The following UGT1A7 variants were observed in gnomAD, a reference collection of about 807,000 sequenced individuals.
UGT1A7 encodes the protein UDP glucuronosyltransferase family 1 member A7.
UGT1A7 carries 33 observed loss-of-function variants against 45.6 expected under a neutral mutation model. That is an observed-to-expected ratio of 0.72 (90% CI 0.55 to 0.97). The LOEUF (loss-of-function observed/expected upper bound fraction) is 0.97. UGT1A7 is among the 50% of genes least tolerant of loss of function. The pLI, the probability that UGT1A7 is intolerant of heterozygous loss-of-function variation, is 0.00. For synonymous variants in UGT1A7, 274 were observed against 250.6 expected (o/e 1.09, Z -0.88); for missense variants, 684 against 666.2 (o/e 1.03, Z -0.29).
At position 233,769,882 on chromosome 2, in the gene UGT1A7, TC is replaced by T; in HGVS notation, c.1295+1445del. On this transcript the variant is annotated intron_variant, in intron 4 of 4. Transcript: ENST00000373426. This position sits in a 1 kb window ranked among gnomAD's most constrained non-coding sequence, Gnocchi z 4.4. The stretch of plus-strand genomic sequence containing the variant: ...CAAAAAAAAAAAAAAAAATGAAAAG[TC>T]CACATAACCTGAGCATCATGTGCCC... 1 of 408,610 alleles carries T rather than the reference TC, an allele frequency of 2.4e-6. No homozygotes were observed. Among genetic ancestry groups the T allele is most frequent in the Non-Finnish European group, 4.3e-6 (1 of 234,370 alleles). 25.3% of individuals were successfully genotyped at this position (408,610 alleles called of 1,614,324 possible).
intron 1 of UGT1A7, chr2:233,719,161 T>A (rs2076731921): frequency 6.2e-7 from 1 of 1,614,132 alleles, no homozygotes; most frequent in Non-Finnish European, 8.5e-7. Context: ...TCTAGAAGTA[T>A]GGCAATTATG....
intron 1 of UGT1A7, chr2:233,743,624 T>A (rs1166046864): frequency 3.7e-6 from 5 of 1,367,280 alleles, no homozygotes; most frequent in Admixed American, 3.8e-5. Flanking sequence ...CCTGAAGACG[T>A]CGGCTGGGTC....
Position 233,682,295 on chromosome 2 carries a change from T to C in UGT1A7, c.358T>C (p.Phe120Leu). The C allele has an allele frequency of 6.2e-7, 1 of 1,614,178 alleles. No individual in the cohort carries two copies. Among genetic ancestry groups the C allele is most frequent in the Non-Finnish European group, 8.5e-7 (1 of 1,180,016 alleles). ...TTCATCCAATGGTATTTTTGACTTATTTTTTTCAAATTGCAGGAGTTTGTT... is the reference window on the plus strand; with the variant it reads ...TTCATCCAATGGTATTTTTGACTTACTTTTTTCAAATTGCAGGAGTTTGTT... ...TSSSNGIFDLFFSNCRSLFND... is the reference protein window; with the variant it reads ...TSSSNGIFDLLFSNCRSLFND... Residue 120 changes from phenylalanine (F) to leucine (L), a missense_variant, in exon 1 of 5, where the codon TTT (phenylalanine) becomes CTT (leucine). Coordinates refer to ENST00000373426, the MANE Select transcript of UGT1A7 (RefSeq NM_019077.3).
intron 1 of UGT1A7, among the ~76,000 whole-genome samples, chr2:233,684,847 A>G (rs866681909): frequency 5.9e-5 from 9 of 152,226 alleles, no homozygotes; most frequent in Middle Eastern, 3.2e-3. Flanking sequence ...TGGACACTGT[A>G]TAGTGTTCCT....
chr2:233,728,807 A>T (rs2077752310), intron 1 of UGT1A7, among the ~76,000 whole-genome samples: 1 of 152,228 alleles, frequency 6.6e-6, no homozygotes, highest in Non-Finnish European at 1.5e-5. Flanking sequence ...AGTAGGAGAC[A>T]GTGACATGAA....
At chr2:233,683,513 A>G (rs1257714769) in intron 1 of UGT1A7, among the ~76,000 whole-genome samples, 1 of 152,092 alleles carries the variant, frequency 6.6e-6, no homozygotes, top group Admixed American at 6.5e-5. Context: ...TCATCCTATG[A>G]GTATGGTTGC....
intron 1 of UGT1A7, among the ~76,000 whole-genome samples, chr2:233,725,654 C>T (rs918402674): frequency 3.9e-4 from 59 of 152,204 alleles, no homozygotes; most frequent in African/African-American, 1.3e-3. Context: ...TACAGCATAT[C>T]TCAATTTGGA....
intron 1 of UGT1A7, among the ~76,000 whole-genome samples, chr2:233,766,257 A>AGTGGCCCGGGCTCG (rs36213637): frequency 2.6e-5 from 4 of 151,512 alleles, no homozygotes; most frequent in African/African-American, 4.9e-5. Context: ...CAGACCGCTC[A>AGTGGCCCGGGCTCG]GTGGCCCGGG....
At chr2:233,688,204 T>C (rs762193312) in intron 1 of UGT1A7, among the ~76,000 whole-genome samples, 1 of 152,240 alleles carries the variant, frequency 6.6e-6, no homozygotes, top group African/African-American at 2.4e-5. Flanking sequence ...TTCTTTCACT[T>C]AGTTTTGTGG....
chr2:233,760,321 G>A, intron 1 of UGT1A7: 1 of 1,614,014 alleles, frequency 6.2e-7, no homozygotes, highest in Non-Finnish European at 8.5e-7. Context: ...ACGCCCACTT[G>A]TCCTGGGCCT....
chr2:233,768,475 G>A, intron 4 of UGT1A7, 36 bp downstream of exon 4: 2 of 1,597,142 alleles, frequency 1.3e-6, no homozygotes, highest in Non-Finnish European at 1.7e-6. Flanking sequence ...CTTTGGTCAT[G>A]GCATTCATGA....
rs28899184 is a variant in UGT1A7 at position 233,714,555 on chromosome 2, A to T, written c.855+31763A>T. Among the ~76,000 whole-genome samples the T allele has an allele frequency of 4.8e-3, 733 of 152,370 alleles. 10 individuals carry two copies. Among genetic ancestry groups the T allele is most frequent in the African/African-American group, 0.017 (698 of 41,588 alleles). ...TCTAATACCGAAGTGTCCAATAGAA[A>T]TATCATGTAAACCACATACATAATT... On this transcript the variant is annotated intron_variant, in intron 1 of 4. Transcript: ENST00000373426.
intron 1 of UGT1A7, among the ~76,000 whole-genome samples, chr2:233,685,460 C>A (rs2074739513): frequency 6.6e-6 from 1 of 152,160 alleles, no homozygotes; most frequent in Non-Finnish European, 1.5e-5. Flanking sequence ...CCATCTAGGG[C>A]CAGTGCAGCT....
intron 1 of UGT1A7, chr2:233,760,660 T>C: frequency 6.2e-7 from 1 of 1,614,244 alleles, no homozygotes; most frequent in Non-Finnish European, 8.5e-7. Flanking sequence ...TATGCTTTTG[T>C]CTGGCTGTTC....
intron 1 of UGT1A7, among the ~76,000 whole-genome samples, chr2:233,685,717 G>C (rs1163706529): frequency 3.9e-5 from 6 of 152,142 alleles, no homozygotes; most frequent in Non-Finnish European, 8.8e-5. Flanking sequence ...ATATCTTGCT[G>C]TACTGCTTCG....
intron 1 of UGT1A7, among the ~76,000 whole-genome samples, chr2:233,720,721 CTT>C (rs1479620216): frequency 1.4e-5 from 1 of 71,278 alleles, no homozygotes; most frequent in Non-Finnish European, 3.0e-5. Context: ...TTTTTTTTTT[CTT>C]GAGACTGAGC....
At chr2:233,761,893 A>G (rs1304507847) in intron 1 of UGT1A7, among the ~76,000 whole-genome samples, 1 of 152,212 alleles carries the variant, frequency 6.6e-6, no homozygotes, top group African/African-American at 2.4e-5. Context: ...CTTATCCTGC[A>G]AAGATTGGCT....
At chr2:233,714,647 C>T (rs886443122) in intron 1 of UGT1A7, among the ~76,000 whole-genome samples, 1 of 152,174 alleles carries the variant, frequency 6.6e-6, no homozygotes, top group Non-Finnish European at 1.5e-5. Context: ...GTGAATAATG[C>T]ATTTTATTTA....
In UGT1A7 at chr2:233,682,010, G is replaced by T. The variant is rs748366826; in HGVS notation, c.73G>T (p.Ala25Ser). ...CLLLTCGFAK[A>S]GKLLVVPMDG... is the part of the protein sequence containing the mutation. Reference sequence around the variant, plus strand: ...ACTGCTGACCTGTGGCTTTGCCAAGGCAGGGAAGCTGCTGGTAGTGCCCAT... The same window carrying T: ...ACTGCTGACCTGTGGCTTTGCCAAGTCAGGGAAGCTGCTGGTAGTGCCCAT... Residue 25 changes from alanine to serine, a missense_variant, in exon 1 of 5, where the codon GCA (alanine) becomes TCA (serine). Transcript: ENST00000373426. 2 of 1,614,024 alleles carry T rather than the reference G, an allele frequency of 1.2e-6. No individual in the cohort carries two copies. The highest frequency in any genetic ancestry group is 1.1e-5 in the South Asian group (1 of 91,090).
Sources: gnomAD v4.1 joint callset for allele counts (sites outside exome capture counted in the v4.1 genomes callset) on GRCh38, gnomAD v4.1.1 for gene constraint, Gnocchi (gnomAD v3.1) non-coding constraint, MANE v1.5 for transcripts, NCBI Gene and HGNC (gene_info 2026-07-23, HGNC 2026-07-21) for gene names.